Variants in DYM observed in about 807,000 individuals in gnomAD.
The protein encoded by DYM is dyggve-Melchior-Clausen syndrome protein.
In DYM, 78 loss-of-function variants were observed where a neutral mutation model predicts 93.1. The observed-to-expected ratio is 0.84, with a 90% confidence interval of 0.70 to 1.01. The LOEUF (loss-of-function observed/expected upper bound fraction) is 1.01, where lower values mean the gene tolerates loss of function less well. DYM is among the 50% of genes least tolerant of loss of function. The pLI, the probability that DYM is intolerant of heterozygous loss-of-function variation, is 0.00. For synonymous variants in DYM, 321 were observed against 319.7 expected (o/e 1.00, Z -0.04); for missense variants, 789 against 845.0 (o/e 0.93, Z 0.82).
chr18:49,391,877 C>T (rs926604510), intron 2 of DYM, among the ~76,000 whole-genome samples: 2 of 152,016 alleles, frequency 1.3e-5, no homozygotes, highest in Non-Finnish European at 2.9e-5. Context: ...GCTTGGGGCA[C>T]CCTGCCTTTC....
chr18:49,374,220 T>C (rs2067285029), intron 5 of DYM, among the ~76,000 whole-genome samples: 3 of 152,180 alleles, frequency 2.0e-5, no homozygotes, highest in Non-Finnish European at 4.4e-5. Flanking sequence ...GTATATAACA[T>C]TCAAAATACC....
chr18:49,300,542 G>T (rs781188802), intron 8 of DYM, among the ~76,000 whole-genome samples: 5 of 151,854 alleles, frequency 3.3e-5, no homozygotes, highest in African/African-American at 1.2e-4. Context: ...GGAAATTAGA[G>T]TAAGTTGATG....
chr18:49,204,211 T>C (rs950810596), intron 14 of DYM, among the ~76,000 whole-genome samples: 2 of 152,232 alleles, frequency 1.3e-5, no homozygotes, highest in African/African-American at 4.8e-5. Context: ...ACTTCAGTGT[T>C]AACATGCTTT....
At chr18:49,337,076 A>C (rs1329955933) in intron 6 of DYM, among the ~76,000 whole-genome samples, 1 of 152,250 alleles carries the variant, frequency 6.6e-6, no homozygotes, top group African/African-American at 2.4e-5. Flanking sequence ...TTTTGACTGG[A>C]AACTTATTGA....
At chr18:49,334,534 C>G (rs1258414207) in intron 6 of DYM, among the ~76,000 whole-genome samples, 1 of 152,058 alleles carries the variant, frequency 6.6e-6, no homozygotes, top group Non-Finnish European at 1.5e-5. Flanking sequence ...ATAAAGGCAT[C>G]CAGAAATTTC....
chr18:49,441,657 T>C (rs1194834587), intron 1 of DYM, among the ~76,000 whole-genome samples: 1 of 151,618 alleles, frequency 6.6e-6, no homozygotes, highest in Non-Finnish European at 1.5e-5. Flanking sequence ...GTGTGGAAGA[T>C]GGGAAGGTGA....
At chr18:49,361,230 T>C (rs139035337) in intron 6 of DYM, among the ~76,000 whole-genome samples, 1 of 152,200 alleles carries the variant, frequency 6.6e-6, no homozygotes, top group Non-Finnish European at 1.5e-5. Context: ...GCAATGACTC[T>C]TCAGCTGCCT....
At chr18:49,313,181 GTAGGCCGGGCA>G (rs2061702215) in intron 8 of DYM, among the ~76,000 whole-genome samples, 1 of 151,990 alleles carries the variant, frequency 6.6e-6, no homozygotes, top group Admixed American at 6.6e-5. Context: ...ACAGGTTGCA[GTAGGCCGGGCA>G]TGGTGGCTCA....
intron 2 of DYM, among the ~76,000 whole-genome samples, chr18:49,393,392 G>A (rs1329240036): frequency 6.6e-6 from 1 of 152,142 alleles, no homozygotes; most frequent in Non-Finnish European, 1.5e-5. Context: ...TAGCCAAGAG[G>A]TAGAAGTAAC....
chr18:49,136,058 C>T (rs12963702), intron 15 of DYM, among the ~76,000 whole-genome samples: 1 of 152,236 alleles, frequency 6.6e-6, no homozygotes, highest in East Asian at 1.9e-4. Context: ...GTGAAGCTAA[C>T]TCAGTCTGCT....
chr18:49,049,886 G>C (rs2072164280), intron 17 of DYM: 1 of 154,100 alleles, frequency 6.5e-6, no homozygotes, highest in African/African-American at 2.4e-5. Flanking sequence ...AGACACAAGT[G>C]CTGACAAATG....
chr18:49,191,712 G>T (rs543366953), intron 14 of DYM, among the ~76,000 whole-genome samples: 3 of 152,120 alleles, frequency 2.0e-5, no homozygotes, highest in Non-Finnish European at 4.4e-5. Flanking sequence ...AAGAACAGAA[G>T]TTCAATAATT....
intron 15 of DYM, among the ~76,000 whole-genome samples, chr18:49,128,272 C>T (rs750589951): frequency 8.5e-5 from 13 of 152,154 alleles, no homozygotes; most frequent in Non-Finnish European, 1.6e-4. Flanking sequence ...TTCCTCAGGC[C>T]CACTGCCAGC....
intron 8 of DYM, among the ~76,000 whole-genome samples, chr18:49,294,312 T>A (rs914934385): frequency 1.3e-5 from 2 of 152,214 alleles, no homozygotes; most frequent in African/African-American, 4.8e-5. Flanking sequence ...CTTTTTTGGT[T>A]CCATATGAAA....
chr18:49,080,380 GA>G (rs1373023338), intron 17 of DYM, among the ~76,000 whole-genome samples: 12 of 134,734 alleles, frequency 8.9e-5, no homozygotes, highest in South Asian at 2.6e-4. Flanking sequence ...CTGGCCGGGC[GA>G]GGGGCTGAGC....
rs993676049 is a variant in DYM, at chr18:49,267,431, T to C, written c.1251+4747A>G. 4.6e-5 allele frequency among the ~76,000 whole-genome samples: 7 copies of C among 152,308 alleles called. 1 individual carries two copies. The highest frequency in any genetic ancestry group is 2.6e-4 in the Admixed American group (4 of 15,304). ...AATCACTATAATTCTCAATAACCAG[T>C]ATAATTCACATTAACAAACTAGAAT... On this transcript the variant is annotated intron_variant, in intron 11 of 17. Coordinates refer to ENST00000675505, the MANE Select transcript of DYM (RefSeq NM_001353214.3).
At chr18:49,125,199 G>A (rs973752646) in intron 15 of DYM, among the ~76,000 whole-genome samples, 2 of 152,096 alleles carry the variant, frequency 1.3e-5, no homozygotes, top group East Asian at 3.8e-4. Flanking sequence ...GGCGGAGGTT[G>A]CAGTGAGCCG....
intron 8 of DYM, among the ~76,000 whole-genome samples, chr18:49,300,313 T>C (rs751132587): frequency 2.6e-5 from 4 of 151,770 alleles, no homozygotes; most frequent in Non-Finnish European, 4.4e-5. Context: ...AGTTTTTACA[T>C]AGTAGGCCGG....
intron 2 of DYM, among the ~76,000 whole-genome samples, chr18:49,419,140 A>ATCAGGAGG (rs1457751496): frequency 6.6e-6 from 1 of 152,032 alleles, no homozygotes; most frequent in African/African-American, 2.4e-5. Flanking sequence ...AGGCAGGTGG[A>ATCAGGAGG]TCAGGAGGTC....
Sources: gnomAD v4.1 joint callset for allele counts (sites outside exome capture counted in the v4.1 genomes callset) on GRCh38, gnomAD v4.1.1 for gene constraint, MANE v1.5 for transcripts, NCBI Gene and HGNC (gene_info 2026-07-23, HGNC 2026-07-21) for gene names.